MACROD2: variants seen among roughly 807,000 people sequenced by gnomAD.
The protein encoded by MACROD2 is ADP-ribose glycohydrolase MACROD2.
Under a neutral mutation model 70.4 loss-of-function variants are expected in MACROD2, and 36 were observed. That is an observed-to-expected ratio of 0.51 (90% CI 0.39 to 0.68). The LOEUF is 0.68. MACROD2 is among the 30% of genes least tolerant of loss of function. The pLI is 0.00. For synonymous variants in MACROD2, 172 were observed against 178.8 expected (o/e 0.96, Z 0.30); for missense variants, 496 against 538.4 (o/e 0.92, Z 0.78).
chr20:15,004,856 C>G (rs2075023719), intron 5 of MACROD2, among the ~76,000 whole-genome samples: 2 of 152,186 alleles, frequency 1.3e-5, no homozygotes, highest in Non-Finnish European at 1.5e-5. Context: ...TAAGCATTCA[C>G]TTTGATGTGT....
chr20:15,012,593 C>G (rs2075091275), intron 5 of MACROD2, among the ~76,000 whole-genome samples: 1 of 152,140 alleles, frequency 6.6e-6, no homozygotes, highest in African/African-American at 2.4e-5. Flanking sequence ...GCTGAAGTCT[C>G]TTTACCCTTG....
intron 8 of MACROD2, among the ~76,000 whole-genome samples, chr20:15,805,056 T>C (rs1470023046): frequency 6.6e-6 from 1 of 152,180 alleles, no homozygotes; most frequent in East Asian, 1.9e-4. Flanking sequence ...TCTATCTCAC[T>C]TTTCAATGTC....
chr20:15,239,185 T>A lies in MACROD2; in HGVS notation c.540+9124T>A, dbSNP rs1243964492. On this transcript the variant is annotated intron_variant, in intron 6 of 17. Coordinates refer to ENST00000684519, the MANE Select transcript of MACROD2 (RefSeq NM_001351661.2). ...ACATTTTTTCTTGCAAATGTTCAGA[T>A]TTTTTTTTTTTTTTTTGGAGAGCAA... 9.3e-5 allele frequency among the ~76,000 whole-genome samples: 6 copies of A among 64,520 alleles called. 1 individual carries two copies. The highest frequency in any genetic ancestry group is 8.4e-4 in the South Asian group (2 of 2,370). 42.3% of individuals were successfully genotyped at this position (64,520 alleles called of 152,430 possible).
intron 2 of MACROD2, among the ~76,000 whole-genome samples, chr20:14,063,703 A>G (rs962378849): frequency 2.6e-5 from 4 of 152,182 alleles, no homozygotes; most frequent in Non-Finnish European, 5.9e-5. Flanking sequence ...CAAAATCTGA[A>G]AATTTTGAAA....
At chr20:15,442,997 T>C (rs2046515925) in intron 7 of MACROD2, among the ~76,000 whole-genome samples, 1 of 152,266 alleles carries the variant, frequency 6.6e-6, no homozygotes, top group African/African-American at 2.4e-5. Context: ...CTCAATTGTT[T>C]ACATTTTTTG....
chr20:15,040,074 T>A (rs1339077941), intron 5 of MACROD2, among the ~76,000 whole-genome samples: 1 of 152,178 alleles, frequency 6.6e-6, no homozygotes, highest in African/African-American at 2.4e-5. Flanking sequence ...CAGGTCTTTT[T>A]GCTGGGAACC....
intron 3 of MACROD2, among the ~76,000 whole-genome samples, chr20:14,225,401 T>C (rs1053779220): frequency 6.6e-6 from 1 of 152,372 alleles, no homozygotes; most frequent in Non-Finnish European, 1.5e-5. Flanking sequence ...TTGATACTTT[T>C]TATTTTTAAC....
chr20:15,863,842 A>G (rs1288083771), intron 9 of MACROD2, among the ~76,000 whole-genome samples: 2 of 152,188 alleles, frequency 1.3e-5, no homozygotes, highest in African/African-American at 4.8e-5. Context: ...CCAAAAAACC[A>G]ATGGAGATGG....
chr20:15,275,294 A>G (rs1401365910), intron 6 of MACROD2, among the ~76,000 whole-genome samples: 2 of 152,232 alleles, frequency 1.3e-5, no homozygotes, highest in Non-Finnish European at 2.9e-5. Flanking sequence ...GTCAAAGCTG[A>G]GAAATTCTGA....
At chr20:15,567,536 A>G (rs2048326340) in intron 8 of MACROD2, among the ~76,000 whole-genome samples, 1 of 152,228 alleles carries the variant, frequency 6.6e-6, no homozygotes, top group Admixed American at 6.5e-5. Flanking sequence ...AACCTTGTTC[A>G]TGTGCTTTCA....
intron 8 of MACROD2, among the ~76,000 whole-genome samples, chr20:15,630,798 A>G (rs2049278622): frequency 6.6e-6 from 1 of 152,168 alleles, no homozygotes; most frequent in Admixed American, 6.5e-5. Flanking sequence ...GGCAGAATGC[A>G]ATTTGTTTTT....
chr20:14,175,648 C>G (rs892816960), intron 3 of MACROD2, among the ~76,000 whole-genome samples: 3 of 152,096 alleles, frequency 2.0e-5, no homozygotes, highest in Non-Finnish European at 4.4e-5. Flanking sequence ...TTTCCTGCCC[C>G]CAAGTGAGTT....
At chr20:15,751,599 A>T (rs898384873) in intron 8 of MACROD2, among the ~76,000 whole-genome samples, 1 of 151,780 alleles carries the variant, frequency 6.6e-6, no homozygotes, top group African/African-American at 2.4e-5. Flanking sequence ...ATGCCCTAAT[A>T]TTGTCTCTAG....
At chr20:15,309,890 T>C (rs2077734260) in intron 6 of MACROD2, among the ~76,000 whole-genome samples, 1 of 152,126 alleles carries the variant, frequency 6.6e-6, no homozygotes, top group Admixed American at 6.6e-5. Flanking sequence ...TACTTAGAGG[T>C]ATATAAAAGT....
At chr20:14,422,395 T>G (rs2083884917) in intron 3 of MACROD2, among the ~76,000 whole-genome samples, 1 of 152,238 alleles carries the variant, frequency 6.6e-6, no homozygotes, top group Non-Finnish European at 1.5e-5. Flanking sequence ...GAGATTTTAA[T>G]ACATTTACAC....
chr20:14,562,272 C>G (rs1250719648), intron 4 of MACROD2, among the ~76,000 whole-genome samples: 1 of 151,720 alleles, frequency 6.6e-6, no homozygotes, highest in South Asian at 2.1e-4. Flanking sequence ...TATTTTTTTG[C>G]AGTGATAAAA....
chr20:14,205,250 A>G (rs1306999698), intron 3 of MACROD2, among the ~76,000 whole-genome samples: 1 of 152,178 alleles, frequency 6.6e-6, no homozygotes, highest in African/African-American at 2.4e-5. Flanking sequence ...TACTCTAGGT[A>G]GTTACTACTG....
chr20:14,965,389 G>A (rs1286931624), intron 5 of MACROD2, among the ~76,000 whole-genome samples: 1 of 147,010 alleles, frequency 6.8e-6, no homozygotes, highest in Non-Finnish European at 1.5e-5. Context: ...TTCTTAAAAT[G>A]ATATTACTAG....
At chr20:14,607,749 A>G (rs1310765776) in intron 4 of MACROD2, among the ~76,000 whole-genome samples, 2 of 152,194 alleles carry the variant, frequency 1.3e-5, no homozygotes, top group Non-Finnish European at 2.9e-5. Flanking sequence ...TTTATGAATC[A>G]TACCTGTTTG....
Sources: gnomAD v4.1 joint callset for allele counts (sites outside exome capture counted in the v4.1 genomes callset) on GRCh38, gnomAD v4.1.1 for gene constraint, MANE v1.5 for transcripts, NCBI Gene and HGNC (gene_info 2026-07-23, HGNC 2026-07-21) for gene names.